The following THNSL1 variants were observed in gnomAD, a reference collection of about 807,000 sequenced individuals.
THNSL1 encodes the protein threonine synthase like 1, also known as threonine synthase-like 1.
In THNSL1, 48 loss-of-function variants were observed where a neutral mutation model predicts 50.4. The observed-to-expected ratio is 0.95, with a 90% CI of 0.76 to 1.21. The LOEUF (loss-of-function observed/expected upper bound fraction) is 1.21, where lower values mean the gene tolerates loss of function less well. Ranked by LOEUF, THNSL1 falls within the 50% of genes most tolerant of loss-of-function variation. The pLI is 0.00. For missense variants in THNSL1, 896 were observed against 871.7 expected (o/e 1.03, Z -0.35); for synonymous variants, 309 against 306.1 (o/e 1.01, Z -0.10).
chr10:24,996,403 C>T, the THNSL1 span, among the ~76,000 whole-genome samples: 12 of 151,262 alleles, frequency 7.9e-5, no homozygotes, highest in African/African-American at 1.5e-4. Context: ...GCCTGGGTGA[C>T]GGAGTGAGAC....
intron 1 of THNSL1, among the ~76,000 whole-genome samples, chr10:25,017,087 C>T (rs947088527): frequency 6.6e-6 from 1 of 152,184 alleles, no homozygotes; most frequent in Admixed American, 6.5e-5. Context: ...CCTGCTCTTC[C>T]CCGGGTCGGG....
At chr10:24,967,565 C>A in the THNSL1 span, among the ~76,000 whole-genome samples, 3 of 152,114 alleles carry the variant, frequency 2.0e-5, no homozygotes, top group South Asian at 6.2e-4. Context: ...TTACAAGAGA[C>A]TTTTCATCAG....
the THNSL1 span, among the ~76,000 whole-genome samples, chr10:24,971,052 A>G: frequency 6.6e-6 from 1 of 151,968 alleles, no homozygotes; most frequent in Non-Finnish European, 1.5e-5. Context: ...TCCAACAGCC[A>G]AACTACGTGT....
the THNSL1 span, among the ~76,000 whole-genome samples, chr10:25,005,665 CTTGAAA>C: frequency 6.6e-6 from 1 of 152,194 alleles, no homozygotes. Context: ...CACCTACAGA[CTTGAAA>C]TGAGAGTGTT....
At chr10:25,017,783 C>T (rs73608224) in intron 1 of THNSL1, among the ~76,000 whole-genome samples, 1 of 152,044 alleles carries the variant, frequency 6.6e-6, no homozygotes, top group African/African-American at 2.4e-5. Flanking sequence ...CACTTTGCCC[C>T]TTTCTTTTCG....
upstream of THNSL1, chr10:25,016,155 CTG>C (rs1468534396): frequency 3.3e-6 from 4 of 1,212,052 alleles, no homozygotes; most frequent in Non-Finnish European, 4.1e-6. Context: ...GCGTCGTTGA[CTG>C]TGCGGTTGCC....
chr10:25,019,788 G>A lies in THNSL1; in HGVS notation c.-215-1954G>A, dbSNP rs984945799. On this transcript the variant is annotated intron_variant, in intron 1 of 2. Coordinates refer to ENST00000376356, the MANE Select transcript of THNSL1 (RefSeq NM_024838.5). ...AAAGAGAAGAGTGTCAAGACCAAAA[G>A]CCTTGGAGTGCACTACCAGAAATTT... Among the ~76,000 whole-genome samples the A allele has an allele frequency of 6.6e-5, 10 of 152,084 alleles. No homozygotes were observed. In the East Asian group the frequency reaches 1.9e-3, roughly 29 times the overall value.
the THNSL1 span, chr10:24,982,845 G>A: frequency 6.6e-6 from 1 of 152,142 alleles, no homozygotes; most frequent in African/African-American, 2.4e-5. Flanking sequence ...TTCTTTAGTA[G>A]ACATTTACAG....
chr10:24,998,219 C>A, the THNSL1 span, among the ~76,000 whole-genome samples: 1 of 152,094 alleles, frequency 6.6e-6, no homozygotes, highest in East Asian at 1.9e-4. Context: ...GCATTATTTC[C>A]TCAATGCCAG....
chr10:24,993,489 T>C, the THNSL1 span, among the ~76,000 whole-genome samples: 3 of 152,198 alleles, frequency 2.0e-5, no homozygotes, highest in African/African-American at 7.2e-5. Context: ...CATCTATCCT[T>C]GCTTGTTTTC....
At chr10:25,006,004 A>G in the THNSL1 span, among the ~76,000 whole-genome samples, 1 of 152,248 alleles carries the variant, frequency 6.6e-6, no homozygotes, top group African/African-American at 2.4e-5. Context: ...GATAAATTGC[A>G]TTAAATAAAC....
At chr10:25,002,952 CTT>C in the THNSL1 span, among the ~76,000 whole-genome samples, 1 of 151,844 alleles carries the variant, frequency 6.6e-6, no homozygotes, top group Admixed American at 6.6e-5. Flanking sequence ...ACTTCCACCT[CTT>C]TTAAATTTGT....
At position 25,016,691 on chromosome 10, in the gene THNSL1, A is replaced by T. The variant is rs1266214800; in HGVS notation, c.-217A>T. ...GGGGCGGGACCGGGGAGCTAGCTGC[A>T]GGTACGGTGCTCCGTCTCCTGTGGA... On this transcript the variant is annotated splice_region_variant and 5_prime_UTR_variant, in exon 1 of 3. Coordinates refer to ENST00000376356, the MANE Select transcript of THNSL1 (RefSeq NM_024838.5). 2 of 152,352 alleles carry T rather than the reference A, an allele frequency of 1.3e-5. No individual in the cohort carries two copies. The highest frequency in any genetic ancestry group is 2.9e-5 in the Non-Finnish European group (2 of 68,148). 9.4% of individuals were successfully genotyped at this position (152,352 alleles called of 1,614,324 possible).
the THNSL1 span, among the ~76,000 whole-genome samples, chr10:24,965,566 A>T: frequency 3.3e-5 from 5 of 152,252 alleles, no homozygotes; most frequent in African/African-American, 1.2e-4. Context: ...GAATATGGAA[A>T]ATTAAGTTCT....
chr10:24,999,313 G>T, the THNSL1 span: 2 of 1,285,984 alleles, frequency 1.6e-6, no homozygotes, highest in Non-Finnish European at 1.1e-6. Context: ...TATCACCTGT[G>T]CATGTTTAAT....
chr10:24,984,902 G>T, the THNSL1 span: 1 of 1,610,714 alleles, frequency 6.2e-7, no homozygotes. Context: ...TTCTTTTTCA[G>T]CCCCTGCAAA....
upstream of THNSL1, chr10:25,016,237 T>C: frequency 7.7e-6 from 8 of 1,044,030 alleles, no homozygotes; most frequent in Non-Finnish European, 9.4e-6. Flanking sequence ...CTCTTCCCTC[T>C]TTCTGCAGCG....
chr10:24,999,546 C>T, the THNSL1 span: 3 of 1,597,734 alleles, frequency 1.9e-6, no homozygotes, highest in East Asian at 2.2e-5. Flanking sequence ...TGGATATGTA[C>T]CTAAAATTGA....
At chr10:24,984,856 G>T in the THNSL1 span, 1 of 1,613,476 alleles carries the variant, frequency 6.2e-7, no homozygotes, top group Non-Finnish European at 8.5e-7. Flanking sequence ...TATAAAGACC[G>T]AGAGGGACTG....
Sources: gnomAD v4.1 joint callset for allele counts (sites outside exome capture counted in the v4.1 genomes callset) on GRCh38, gnomAD v4.1.1 for gene constraint, MANE v1.5 for transcripts, NCBI Gene and HGNC (gene_info 2026-07-23, HGNC 2026-07-21) for gene names.